CDC42SE2: variants seen among roughly 807,000 people sequenced by gnomAD.
CDC42SE2 encodes the protein CDC42 small effector protein 2.
In CDC42SE2, 3 loss-of-function variants were observed where a neutral mutation model predicts 11.5. The ratio of observed to expected loss-of-function variants is 0.26; its 90% CI spans 0.12 to 0.67. The LOEUF (loss-of-function observed/expected upper bound fraction) is 0.67. Ranked by LOEUF, CDC42SE2 falls within the 30% of genes least tolerant of loss-of-function variation. CDC42SE2 has a pLI of 0.80. For synonymous variants in CDC42SE2, 33 were observed against 34.8 expected, an observed-to-expected ratio of 0.95 and a Z score of 0.18; for missense variants, 82 against 106.8, an observed-to-expected ratio of 0.77 and a Z score of 1.02.
intron 1 of CDC42SE2, among the ~76,000 whole-genome samples, chr5:131,302,786 CT>C (rs900406398): frequency 2.7e-5 from 4 of 150,494 alleles, no homozygotes; most frequent in Non-Finnish European, 5.9e-5. Flanking sequence ...ATCATTATGA[CT>C]TACCAGGAGT....
At chr5:131,352,456 T>C (rs1016037014) in intron 2 of CDC42SE2, among the ~76,000 whole-genome samples, 4 of 152,182 alleles carry the variant, frequency 2.6e-5, no homozygotes, top group African/African-American at 9.6e-5. Flanking sequence ...TGCTGTATAA[T>C]TATATTTACA....
intron 2 of CDC42SE2, among the ~76,000 whole-genome samples, chr5:131,321,193 A>G (rs997417799): frequency 2.6e-5 from 4 of 152,190 alleles, no homozygotes; most frequent in African/African-American, 9.7e-5. Context: ...TAAATTCTGT[A>G]GCTTTTGGGT....
chr5:131,285,235 G>A (rs1580731257), intron 1 of CDC42SE2, among the ~76,000 whole-genome samples: 4 of 151,998 alleles, frequency 2.6e-5, no homozygotes, highest in Admixed American at 1.3e-4. Context: ...TAGTGAGCTC[G>A]GGTTGTGCTC....
the CDC42SE2 span, among the ~76,000 whole-genome samples, chr5:131,232,109 T>A: frequency 1.3e-5 from 2 of 151,514 alleles, no homozygotes; most frequent in East Asian, 3.9e-4. Context: ...TGTACATTTG[T>A]TACCTATTTT....
intron 2 of CDC42SE2, among the ~76,000 whole-genome samples, chr5:131,358,804 A>G (rs1011189300): frequency 6.6e-6 from 1 of 152,184 alleles, no homozygotes; most frequent in African/African-American, 2.4e-5. Flanking sequence ...TTGCTGTGTC[A>G]ATTACTGTCT....
chr5:131,248,224 C>T lies in CDC42SE2; in HGVS notation n.107+2625C>T, dbSNP rs140395788. Among the ~76,000 whole-genome samples the T allele has an allele frequency of 3.2e-3, 489 of 152,226 alleles. 6 individuals carry two copies. The highest frequency in any genetic ancestry group is 0.012 in the African/African-American group (479 of 41,542). ...GCGCGATCCCAGCTCACTACAACCT[C>T]TGCCTCCCAGGTTCAAGCGATTCTC... On this transcript the variant is annotated intron_variant and non_coding_transcript_variant, in intron 1 of 3. Transcript: ENST00000502840.
chr5:131,345,992 G>A (rs1758833414), intron 2 of CDC42SE2, among the ~76,000 whole-genome samples: 1 of 152,190 alleles, frequency 6.6e-6, no homozygotes, highest in Non-Finnish European at 1.5e-5. Flanking sequence ...AAGAGCTCCT[G>A]AAGGAAGCAC....
chr5:131,337,505 G>A (rs1310207237), intron 2 of CDC42SE2, among the ~76,000 whole-genome samples: 1 of 152,216 alleles, frequency 6.6e-6, no homozygotes, highest in African/African-American at 2.4e-5. Flanking sequence ...CTGTCAGACA[G>A]AGACATTTAA....
rs1405049355 is a variant in CDC42SE2 at position 131,391,906 on chromosome 5, A to G, written c.*815A>G. 6.6e-6 allele frequency: 1 copy of G among 152,210 alleles called. No individual in the cohort carries two copies. Among genetic ancestry groups the G allele is most frequent in the Non-Finnish European group, 1.5e-5 (1 of 68,042 alleles). The allele number at this position is 152,210 out of a possible 1,614,324, so 9.4% of individuals were successfully genotyped here. ...TGTCCTGTGATTGCTTTTATTTTGA[A>G]TTACAAAAAAGAAGTGTGATGGCAC... On this transcript the variant is annotated 3_prime_UTR_variant, in exon 5 of 5. Coordinates refer to ENST00000505065, the MANE Select transcript of CDC42SE2 (RefSeq NM_001375635.1).
chr5:131,272,830 C>G (rs1028876171), intron 1 of CDC42SE2, among the ~76,000 whole-genome samples: 22 of 152,152 alleles, frequency 1.4e-4, no homozygotes, highest in Admixed American at 1.4e-3. Context: ...ACCATAACAG[C>G]TCTTTTTGAG....
At chr5:131,304,499 C>A (rs2149718634) in intron 1 of CDC42SE2, among the ~76,000 whole-genome samples, 1 of 152,230 alleles carries the variant, frequency 6.6e-6, no homozygotes, top group East Asian at 1.9e-4. Flanking sequence ...GTAACGGTAT[C>A]CACATGACAC....
intron 1 of CDC42SE2, among the ~76,000 whole-genome samples, chr5:131,312,810 G>T (rs886602346): frequency 2.6e-5 from 4 of 152,098 alleles, no homozygotes; most frequent in African/African-American, 9.7e-5. Context: ...TGCAAACGGT[G>T]TGCGCACCCA....
chr5:131,241,680 C>G (rs1015480692), upstream of CDC42SE2, among the ~76,000 whole-genome samples: 1 of 152,034 alleles, frequency 6.6e-6, no homozygotes. Context: ...GACTTTCTTC[C>G]ATTATTGATT....
intron 1 of CDC42SE2, among the ~76,000 whole-genome samples, chr5:131,307,674 G>T (rs1409188915): frequency 1.3e-5 from 2 of 152,102 alleles, no homozygotes; most frequent in Non-Finnish European, 2.9e-5. Context: ...CTAGTTTACA[G>T]TCCCACCAAC....
chr5:131,295,206 C>G (rs1324093640), intron 1 of CDC42SE2, among the ~76,000 whole-genome samples: 1 of 151,110 alleles, frequency 6.6e-6, no homozygotes, highest in African/African-American at 2.4e-5. Context: ...TCACTTGAAC[C>G]CAGGAGGTGG....
At chr5:131,230,475 C>T in the CDC42SE2 span, among the ~76,000 whole-genome samples, 1 of 152,336 alleles carries the variant, frequency 6.6e-6, no homozygotes, top group African/African-American at 2.4e-5. Flanking sequence ...TGGTGTCACT[C>T]CAAGCCCAGG....
At chr5:131,351,508 C>T (rs1354799129) in intron 2 of CDC42SE2, among the ~76,000 whole-genome samples, 1 of 152,186 alleles carries the variant, frequency 6.6e-6, no homozygotes, top group Non-Finnish European at 1.5e-5. Context: ...CCCGCCTTGG[C>T]CTCCCAAAGT....
chr5:131,317,897 A>G (rs1466039741), intron 2 of CDC42SE2, among the ~76,000 whole-genome samples: 1 of 151,902 alleles, frequency 6.6e-6, no homozygotes, highest in East Asian at 1.9e-4. Context: ...TCTGATGAAA[A>G]TCTGGGAGAA....
intron 1 of CDC42SE2, among the ~76,000 whole-genome samples, chr5:131,279,348 C>T (rs1361418349): frequency 6.6e-6 from 1 of 151,562 alleles, no homozygotes; most frequent in Non-Finnish European, 1.5e-5. Flanking sequence ...ACAGAGTGTT[C>T]TTGGTTTTAC....
Sources: allele counts gnomAD v4.1 joint callset (sites outside exome capture counted in the v4.1 genomes callset), GRCh38; gene constraint gnomAD v4.1.1; transcripts MANE v1.5; gene names NCBI Gene and HGNC (gene_info 2026-07-23, HGNC 2026-07-21).